RAB38: variants seen among roughly 807,000 people sequenced by gnomAD.
RAB38 encodes the protein RAB38, member RAS oncogene family, also known as ras-related protein Rab-38.
A neutral mutation model predicts 18.4 loss-of-function variants in RAB38; 15 were observed. The ratio of observed to expected loss-of-function variants is 0.82; its 90% CI spans 0.55 to 1.26. The LOEUF is 1.26. Among genes scored for constraint, RAB38 ranks in the 50% most tolerant of loss-of-function variants. RAB38 has a pLI of 0.00. For synonymous variants in RAB38, 101 were observed against 104.4 expected (o/e 0.97, Z 0.20); for missense variants, 294 against 267.4 (o/e 1.10, Z -0.69).
chr11:87,947,332 G>C, the RAB38 span, among the ~76,000 whole-genome samples: 2 of 152,012 alleles, frequency 1.3e-5, no homozygotes, highest in African/African-American at 4.8e-5. Context: ...CTCCCATTCT[G>C]TAGGCTGCCT....
chr11:87,809,282 C>T, the RAB38 span, among the ~76,000 whole-genome samples: 1 of 152,104 alleles, frequency 6.6e-6, no homozygotes, highest in South Asian at 2.1e-4. Context: ...AAAGATTTGC[C>T]AAGAAATCCT....
At chr11:88,117,145 A>G (rs929889887) in intron 2 of RAB38, among the ~76,000 whole-genome samples, 3 of 152,354 alleles carry the variant, frequency 2.0e-5, no homozygotes, top group Admixed American at 2.0e-4. Flanking sequence ...ATGACTGCTT[A>G]TAGACTACAT....
chr11:88,058,068 AC>A, the RAB38 span, among the ~76,000 whole-genome samples: 1 of 152,186 alleles, frequency 6.6e-6, no homozygotes, highest in South Asian at 2.1e-4. Flanking sequence ...TATTTACATG[AC>A]CTGATGTGCA....
At chr11:88,144,717 G>A (rs1284043440) in intron 2 of RAB38, among the ~76,000 whole-genome samples, 1 of 152,140 alleles carries the variant, frequency 6.6e-6, no homozygotes, top group Non-Finnish European at 1.5e-5. Context: ...GAGAGAGGGT[G>A]GGTCCAAAAA....
the RAB38 span, among the ~76,000 whole-genome samples, chr11:87,866,049 T>C: frequency 6.6e-6 from 1 of 151,722 alleles, no homozygotes; most frequent in South Asian, 2.1e-4. Flanking sequence ...TCTCAGAAAG[T>C]ATGAATGAAC....
the RAB38 span, among the ~76,000 whole-genome samples, chr11:87,807,620 A>G: frequency 6.6e-6 from 1 of 152,238 alleles, no homozygotes; most frequent in Non-Finnish European, 1.5e-5. Flanking sequence ...AAAAAGCAAA[A>G]GGGACATGAA....
At chr11:88,150,546 T>C (rs762036962) in intron 1 of RAB38, among the ~76,000 whole-genome samples, 1 of 152,174 alleles carries the variant, frequency 6.6e-6, no homozygotes, top group Non-Finnish European at 1.5e-5. Context: ...TTAAAAGGGA[T>C]CCACAATCTA....
At chr11:88,030,151 G>C in the RAB38 span, among the ~76,000 whole-genome samples, 5 of 152,038 alleles carry the variant, frequency 3.3e-5, no homozygotes, top group Non-Finnish European at 7.4e-5. Context: ...ACGAAATGAA[G>C]GCAGAAATAA....
At chr11:87,857,625 A>C in the RAB38 span, among the ~76,000 whole-genome samples, 9 of 151,804 alleles carry the variant, frequency 5.9e-5, no homozygotes, top group African/African-American at 1.2e-4. Context: ...TGATGATGAG[A>C]ATTTTTTCAT....
chr11:87,831,459 T>C, the RAB38 span, among the ~76,000 whole-genome samples: 1 of 152,258 alleles, frequency 6.6e-6, no homozygotes, highest in Admixed American at 6.5e-5. Context: ...CAATGAGATG[T>C]AGTGTCGCTA....
intron 2 of RAB38, among the ~76,000 whole-genome samples, chr11:88,148,198 A>C (rs1943015902): frequency 6.6e-6 from 1 of 152,172 alleles, no homozygotes; most frequent in Admixed American, 6.5e-5. Context: ...ACTGAGCAAT[A>C]ACAACTTTCC....
chr11:88,038,353 G>A, the RAB38 span, among the ~76,000 whole-genome samples: 15 of 152,204 alleles, frequency 9.9e-5, no homozygotes, highest in African/African-American at 3.4e-4. Flanking sequence ...AGACCACATC[G>A]CAATTGCAAT....
At chr11:87,884,088 G>A in the RAB38 span, among the ~76,000 whole-genome samples, 2 of 151,944 alleles carry the variant, frequency 1.3e-5, no homozygotes, top group East Asian at 3.9e-4. Flanking sequence ...TTGAGCTAAA[G>A]ATGATGACCT....
the RAB38 span, among the ~76,000 whole-genome samples, chr11:88,003,672 T>A: frequency 3.5e-4 from 1 of 2,864 alleles, no homozygotes; most frequent in African/African-American, 1.5e-3. Context: ...TATAATATAT[T>A]ATATATATTA....
the RAB38 span, among the ~76,000 whole-genome samples, chr11:87,881,332 G>T: frequency 6.6e-6 from 1 of 151,846 alleles, no homozygotes; most frequent in East Asian, 2.0e-4. Context: ...AAAGATTCTA[G>T]ATTAGGCACT....
chr11:87,960,358 T>C, the RAB38 span, among the ~76,000 whole-genome samples: 2 of 146,264 alleles, frequency 1.4e-5, no homozygotes, highest in African/African-American at 2.6e-5. Context: ...CAGTAACTCC[T>C]TAAACAGAGA....
chr11:87,809,935 A>G, the RAB38 span, among the ~76,000 whole-genome samples: 1 of 124,478 alleles, frequency 8.0e-6, no homozygotes, highest in Admixed American at 8.1e-5. Context: ...TTTGAATTTA[A>G]AAGTAATAAA....
the RAB38 span, among the ~76,000 whole-genome samples, chr11:87,856,610 C>A: frequency 6.6e-6 from 1 of 152,106 alleles, no homozygotes; most frequent in South Asian, 2.1e-4. Context: ...TCCCATCAAA[C>A]CTGAGAATAG....
the RAB38 span, among the ~76,000 whole-genome samples, chr11:87,881,799 A>G: frequency 2.6e-5 from 4 of 151,832 alleles, no homozygotes; most frequent in African/African-American, 9.7e-5. Context: ...AGTTAGAGCC[A>G]TATTCTTTAT....
Sources: gnomAD v4.1 joint callset for allele counts (sites outside exome capture counted in the v4.1 genomes callset) on GRCh38, gnomAD v4.1.1 for gene constraint, MANE v1.5 for transcripts, NCBI Gene and HGNC (gene_info 2026-07-23, HGNC 2026-07-21) for gene names.